The following MGMT variants were observed in gnomAD, a reference collection of about 807,000 sequenced individuals.
MGMT encodes the protein O-6-methylguanine-DNA methyltransferase.
A neutral mutation model predicts 15.9 loss-of-function variants in MGMT; 14 were observed. The ratio of observed to expected loss-of-function variants is 0.88; its 90% CI spans 0.58 to 1.37. The LOEUF (loss-of-function observed/expected upper bound fraction) is 1.37. Ranked by LOEUF, MGMT falls within the 40% of genes most tolerant of loss-of-function variation. The pLI is 0.00. For synonymous variants in MGMT, 130 were observed against 118.2 expected, an observed-to-expected ratio of 1.10 and a Z score of -0.65; for missense variants, 282 against 268.1, an observed-to-expected ratio of 1.05 and a Z score of -0.36.
intron 2 of MGMT, among the ~76,000 whole-genome samples, chr10:129,569,579 C>G (rs1017320859): frequency 6.6e-6 from 1 of 152,156 alleles, no homozygotes; most frequent in African/African-American, 2.4e-5. Context: ...TGCTCTTACC[C>G]GGGCCTGACT....
intron 2 of MGMT, among the ~76,000 whole-genome samples, chr10:129,622,866 C>T (rs1564740047): frequency 6.6e-6 from 1 of 152,022 alleles, no homozygotes; most frequent in Non-Finnish European, 1.5e-5. Flanking sequence ...ATTTGAGTAG[C>T]CCCTGGAATG....
intron 3 of MGMT, among the ~76,000 whole-genome samples, chr10:129,755,416 C>T (rs987370779): frequency 6.6e-6 from 1 of 152,204 alleles, no homozygotes; most frequent in Non-Finnish European, 1.5e-5. Flanking sequence ...TTGGCCATGG[C>T]CACAGCACAG....
At chr10:129,522,166 C>T (rs1404376391) in intron 1 of MGMT, among the ~76,000 whole-genome samples, 3 of 152,170 alleles carry the variant, frequency 2.0e-5, no homozygotes, top group South Asian at 2.1e-4. Flanking sequence ...TGGAGGTCAC[C>T]GGAAATAGCT....
At chr10:129,574,227 A>T (rs187952676) in intron 2 of MGMT, among the ~76,000 whole-genome samples, 34 of 152,330 alleles carry the variant, frequency 2.2e-4, no homozygotes, top group African/African-American at 7.5e-4. Flanking sequence ...CTATCACTTT[A>T]AAAGACCTTT....
intron 3 of MGMT, among the ~76,000 whole-genome samples, chr10:129,726,191 T>C (rs1201284328): frequency 2.0e-5 from 3 of 152,114 alleles, no homozygotes; most frequent in Non-Finnish European, 2.9e-5. Flanking sequence ...AACTCAACTT[T>C]AGACAGTGAC....
chr10:129,554,029 CA>C (rs1190632683), intron 2 of MGMT, among the ~76,000 whole-genome samples: 1 of 152,236 alleles, frequency 6.6e-6, no homozygotes, highest in Non-Finnish European at 1.5e-5. Context: ...GGGAGCTGGG[CA>C]GCTGTTATGT....
chr10:129,663,232 G>A (rs1200110295), intron 2 of MGMT, among the ~76,000 whole-genome samples: 1 of 152,058 alleles, frequency 6.6e-6, no homozygotes, highest in Non-Finnish European at 1.5e-5. Context: ...CAAAAACAAG[G>A]CCCATCCACC....
At chr10:129,708,288 C>A (rs894776144) in intron 3 of MGMT, among the ~76,000 whole-genome samples, 1 of 152,166 alleles carries the variant, frequency 6.6e-6, no homozygotes, top group African/African-American at 2.4e-5. Flanking sequence ...GCATGCAGAT[C>A]GACTCTTGAC....
At chr10:129,495,993 G>A (rs546306310) in intron 1 of MGMT, among the ~76,000 whole-genome samples, 1 of 152,294 alleles carries the variant, frequency 6.6e-6, no homozygotes, top group African/African-American at 2.4e-5. Context: ...AGGTCCCTGC[G>A]GCTGGGGACT....
chr10:129,591,406 A>T (rs1210064592), intron 2 of MGMT, among the ~76,000 whole-genome samples: 1 of 152,182 alleles, frequency 6.6e-6, no homozygotes, highest in Non-Finnish European at 1.5e-5. Context: ...TCCCCAGGAA[A>T]GGAGCATTCT....
In MGMT at chr10:129,609,136, C is replaced by T. The variant is rs76764081; in HGVS notation, c.125+72759C>T. On this transcript the variant is annotated intron_variant, in intron 2 of 4. Transcript: ENST00000651593. ...AGTGCCTGTGGCCACAGTGATGGCACAGGTGGACATGATCCTGAGAGTCCA... is the reference window on the plus strand; with the variant it reads ...AGTGCCTGTGGCCACAGTGATGGCATAGGTGGACATGATCCTGAGAGTCCA... Among the ~76,000 whole-genome samples, 738 of 152,264 alleles carry T rather than the reference C, an allele frequency of 4.8e-3. 4 individuals are homozygous for T. Among genetic ancestry groups the T allele is most frequent in the African/African-American group, 0.017 (700 of 41,556 alleles).
intron 1 of MGMT, among the ~76,000 whole-genome samples, chr10:129,469,873 ATTG>A (rs924638272): frequency 1.3e-4 from 19 of 151,852 alleles, no homozygotes; most frequent in Non-Finnish European, 1.2e-4. Flanking sequence ...TACCTGGCTA[ATTG>A]TTGTTGTTGT....
chr10:129,565,237 C>T (rs1846340713), intron 2 of MGMT, among the ~76,000 whole-genome samples: 1 of 150,802 alleles, frequency 6.6e-6, no homozygotes, highest in Non-Finnish European at 1.5e-5. Context: ...TTTCCTCGTA[C>T]ATGTGGAGTT....
chr10:129,658,835 G>T (rs944178003), intron 2 of MGMT, among the ~76,000 whole-genome samples: 2 of 152,054 alleles, frequency 1.3e-5, no homozygotes, highest in Non-Finnish European at 2.9e-5. Flanking sequence ...TGCTGTTCTC[G>T]CCCTTAGCTC....
At chr10:129,733,887 TC>T (rs1848530785) in intron 3 of MGMT, among the ~76,000 whole-genome samples, 1 of 152,154 alleles carries the variant, frequency 6.6e-6, no homozygotes, top group Admixed American at 6.5e-5. Context: ...CGGCGTTATT[TC>T]TGAGGACTCT....
chr10:129,634,410 A>G (rs1483568727), intron 2 of MGMT, among the ~76,000 whole-genome samples: 1 of 152,120 alleles, frequency 6.6e-6, no homozygotes, highest in South Asian at 2.1e-4. Context: ...TATTTTGGCT[A>G]TTTCTTCAAA....
At chr10:129,588,918 C>T (rs569855199) in intron 2 of MGMT, among the ~76,000 whole-genome samples, 20 of 152,366 alleles carry the variant, frequency 1.3e-4, no homozygotes, top group Non-Finnish European at 2.5e-4. Flanking sequence ...GAGAAACTCG[C>T]GCAGATTCCC....
intron 2 of MGMT, among the ~76,000 whole-genome samples, chr10:129,652,900 G>A (rs1847478436): frequency 6.6e-6 from 1 of 152,264 alleles, no homozygotes; most frequent in Admixed American, 6.5e-5. Flanking sequence ...CTCCTGGTAG[G>A]ATGCATGATG....
intron 3 of MGMT, among the ~76,000 whole-genome samples, chr10:129,738,603 A>G (rs1361120441): frequency 1.3e-5 from 2 of 152,104 alleles, no homozygotes; most frequent in African/African-American, 4.8e-5. Flanking sequence ...TTCTTAATCC[A>G]CATCATTGAT....
Sources: gnomAD v4.1 joint callset for allele counts (sites outside exome capture counted in the v4.1 genomes callset) on GRCh38, gnomAD v4.1.1 for gene constraint, MANE v1.5 for transcripts, NCBI Gene and HGNC (gene_info 2026-07-23, HGNC 2026-07-21) for gene names.